Variants in RGS6 observed in about 807,000 individuals in gnomAD.
RGS6 encodes regulator of G-protein signaling 6.
RGS6 carries 30 observed loss-of-function variants against 78.5 expected under a neutral mutation model. The observed-to-expected ratio is 0.38, with a 90% CI of 0.29 to 0.52. The LOEUF is 0.52. Ranked by LOEUF, RGS6 falls within the 20% of genes least tolerant of loss-of-function variation. The probability of loss-of-function intolerance (pLI) is 0.85; values close to 1 mark genes in which losing one functional copy is unlikely to be tolerated. For synonymous variants in RGS6, 206 were observed against 206.0 expected (o/e 1.00, Z 0.00); for missense variants, 495 against 609.7 (o/e 0.81, Z 1.98).
At chr14:72,477,499 G>C (rs555133656) in intron 11 of RGS6, among the ~76,000 whole-genome samples, 7 of 149,114 alleles carry the variant, frequency 4.7e-5, no homozygotes, top group Non-Finnish European at 7.4e-5. Context: ...AAAAAAAAAA[G>C]CTATTTGGCG....
chr14:72,124,654 T>C (rs2096143264), intron 2 of RGS6, among the ~76,000 whole-genome samples: 1 of 152,228 alleles, frequency 6.6e-6, no homozygotes, highest in Admixed American at 6.5e-5. Flanking sequence ...GCATTTGCAG[T>C]AACTGGCCAT....
intron 2 of RGS6, among the ~76,000 whole-genome samples, chr14:72,140,501 T>A (rs1037506228): frequency 6.6e-6 from 1 of 152,152 alleles, no homozygotes; most frequent in African/African-American, 2.4e-5. Context: ...CAGCAAGCCA[T>A]GCTATTTACT....
the RGS6 span, among the ~76,000 whole-genome samples, chr14:71,898,967 G>T: frequency 6.6e-6 from 1 of 152,140 alleles, no homozygotes; most frequent in Non-Finnish European, 1.5e-5. Flanking sequence ...ATGCTGTGAT[G>T]AACTCTCTCC....
rs1752242571 is a variant in RGS6 at position 72,458,026 on chromosome 14, C to G, written c.236-245C>G. On this transcript the variant is annotated intron_variant, in intron 4 of 17. Transcript: ENST00000553525. ...TGAAGCCAGACTTTCTTCTGAAGGT[C>G]AGGGTGAGGAGGGGTTAAGCCATGT... is the stretch of plus-strand genomic sequence containing the variant. 1.3e-5 allele frequency among the ~76,000 whole-genome samples: 2 copies of G among 152,178 alleles called. 1 individual carries two copies. The highest frequency in any genetic ancestry group is 1.3e-4 in the Admixed American group (2 of 15,278).
At chr14:72,175,784 G>T (rs1236033943) in intron 2 of RGS6, among the ~76,000 whole-genome samples, 1 of 152,188 alleles carries the variant, frequency 6.6e-6, no homozygotes, top group African/African-American at 2.4e-5. Flanking sequence ...CTAAGTATCA[G>T]CTGAAATGCT....
At chr14:71,999,475 C>T (rs901950527) in intron 2 of RGS6, among the ~76,000 whole-genome samples, 25 of 152,310 alleles carry the variant, frequency 1.6e-4, no homozygotes, top group Admixed American at 9.1e-4. Flanking sequence ...AAAGGTATAA[C>T]TCTAACAGGT....
chr14:72,039,813 ATTTTTT>A (rs3053082), intron 2 of RGS6, among the ~76,000 whole-genome samples: 2 of 68,924 alleles, frequency 2.9e-5, no homozygotes, highest in African/African-American at 1.2e-4. Flanking sequence ...TGTTTCATTG[ATTTTTT>A]TTTTTTTTTT....
chr14:72,517,523 G>C (rs1379592541), intron 14 of RGS6, among the ~76,000 whole-genome samples: 1 of 152,190 alleles, frequency 6.6e-6, no homozygotes, highest in African/African-American at 2.4e-5. Flanking sequence ...GGCAAATACG[G>C]AAGTGAGCAG....
intron 4 of RGS6, among the ~76,000 whole-genome samples, chr14:72,456,346 A>G (rs975031657): frequency 2.0e-5 from 3 of 152,368 alleles, no homozygotes; most frequent in South Asian, 2.1e-4. Context: ...GCTAGAGTGC[A>G]GTGGCACGAG....
At chr14:72,117,931 C>T (rs540959686) in intron 2 of RGS6, among the ~76,000 whole-genome samples, 169 of 152,048 alleles carry the variant, frequency 1.1e-3, no homozygotes, top group African/African-American at 3.8e-3. Context: ...CTCCTCTGCC[C>T]TGTGACCCAC....
At chr14:72,006,517 A>G (rs1303350064) in intron 2 of RGS6, among the ~76,000 whole-genome samples, 3 of 152,234 alleles carry the variant, frequency 2.0e-5, no homozygotes, top group African/African-American at 7.2e-5. Flanking sequence ...AGAGAGGCTC[A>G]TGTGGCAAGA....
intron 2 of RGS6, among the ~76,000 whole-genome samples, chr14:72,206,358 G>C (rs1240505819): frequency 6.6e-6 from 1 of 152,058 alleles, no homozygotes; most frequent in Non-Finnish European, 1.5e-5. Flanking sequence ...ATAGTATTTT[G>C]TTACCTGGAA....
chr14:72,072,073 T>G (rs1402903066), intron 2 of RGS6, among the ~76,000 whole-genome samples: 1 of 152,214 alleles, frequency 6.6e-6, no homozygotes, highest in Non-Finnish European at 1.5e-5. Context: ...TCAGGCCCAG[T>G]GCTAAGCACA....
At chr14:72,619,306 G>A in the RGS6 span, 1 of 1,536,102 alleles carries the variant, frequency 6.5e-7, no homozygotes, top group Non-Finnish European at 8.7e-7. Context: ...CCTAGGCCTG[G>A]CAGCCAAAGG....
At chr14:71,917,709 G>A in the RGS6 span, among the ~76,000 whole-genome samples, 3 of 152,124 alleles carry the variant, frequency 2.0e-5, no homozygotes, top group Non-Finnish European at 2.9e-5. Context: ...AAGAACACAG[G>A]GCTGGAACTG....
the RGS6 span, among the ~76,000 whole-genome samples, chr14:72,575,516 T>A: frequency 6.6e-6 from 1 of 152,272 alleles, no homozygotes; most frequent in African/African-American, 2.4e-5. Flanking sequence ...GTTGGTAGCC[T>A]GAAGGCAGCA....
chr14:72,284,359 G>GCCCC (rs36064988), intron 2 of RGS6, among the ~76,000 whole-genome samples: 2 of 151,864 alleles, frequency 1.3e-5, no homozygotes, highest in African/African-American at 2.4e-5. Flanking sequence ...GGAAAAAATG[G>GCCCC]CCCCCCCACC....
At chr14:71,883,963 A>G in the RGS6 span, among the ~76,000 whole-genome samples, 2 of 152,248 alleles carry the variant, frequency 1.3e-5, no homozygotes, top group Non-Finnish European at 2.9e-5. Flanking sequence ...AACTATAAGT[A>G]TCCTTAGTCC....
At chr14:72,203,246 TCA>T (rs1363521148) in intron 2 of RGS6, among the ~76,000 whole-genome samples, 1 of 152,214 alleles carries the variant, frequency 6.6e-6, no homozygotes, top group Non-Finnish European at 1.5e-5. Context: ...ATAGCATCTA[TCA>T]TGTATATAGG....
Sources: allele counts gnomAD v4.1 joint callset (sites outside exome capture counted in the v4.1 genomes callset), GRCh38; gene constraint gnomAD v4.1.1; transcripts MANE v1.5; gene names NCBI Gene and HGNC (gene_info 2026-07-23, HGNC 2026-07-21).